ZBBX: variants seen among roughly 807,000 people sequenced by gnomAD.
ZBBX encodes zinc finger B-box domain containing, also known as zinc finger B-box domain-containing protein 1.
Under a neutral mutation model 108.5 loss-of-function variants are expected in ZBBX, and 101 were observed. The ratio of observed to expected loss-of-function variants is 0.93; its 90% confidence interval spans 0.79 to 1.10. The LOEUF is 1.10. Among genes scored for constraint, ZBBX ranks in the 50% least tolerant of loss-of-function variants. The pLI, the probability that ZBBX is intolerant of heterozygous loss-of-function variation, is 0.00. For synonymous variants in ZBBX, 356 were observed against 323.4 expected, an observed-to-expected ratio of 1.10 and a Z score of -1.08; for missense variants, 1,009 against 941.4, an observed-to-expected ratio of 1.07 and a Z score of -0.94.
At position 167,327,922 on chromosome 3, in the gene ZBBX, A is replaced by AAG; in HGVS notation, c.862+19_862+20insCT. On this transcript the variant is annotated intron_variant, in intron 11 of 21. Coordinates refer to ENST00000675490, the MANE Select transcript of ZBBX (RefSeq NM_001199201.2). The stretch of plus-strand genomic sequence containing the variant: ...AAGTGAGACTCTGTCTCAAAAAAAA[A>AAG]AAAAAAAAAAAAGCCATACCTTTTA... The AAG allele has an allele frequency of 6.5e-7, 1 of 1,533,496 alleles. No homozygotes were observed. Among genetic ancestry groups the AAG allele is most frequent in the South Asian group, 1.3e-5 (1 of 78,624 alleles). 95.0% of individuals were successfully genotyped at this position (1,533,496 alleles called of 1,614,324 possible).
At chr3:167,341,564 C>A (rs922116631) in intron 9 of ZBBX, among the ~76,000 whole-genome samples, 1 of 151,862 alleles carries the variant, frequency 6.6e-6, no homozygotes, top group South Asian at 2.1e-4. Flanking sequence ...CAAAATTCTA[C>A]TTAGAAAGCA....
chr3:167,359,150 T>C lies in ZBBX; in HGVS notation c.432+720A>G, dbSNP rs552911255. Reference sequence around the variant, plus strand: ...ATAATACAAATGAACACATTACCAATAAATTTAACATGGATGAATCATGTG... The same window carrying C: ...ATAATACAAATGAACACATTACCAACAAATTTAACATGGATGAATCATGTG... On this transcript the variant is annotated intron_variant, in intron 8 of 21. Transcript: ENST00000675490. Among the ~76,000 whole-genome samples, 208 of 152,134 alleles carry C rather than the reference T, an allele frequency of 1.4e-3. 2 individuals are homozygous for C. The highest frequency in any genetic ancestry group is 5.0e-3 in the African/African-American group (207 of 41,496).
chr3:167,222,035 C>T, the ZBBX span, among the ~76,000 whole-genome samples: 3 of 151,632 alleles, frequency 2.0e-5, no homozygotes, highest in Non-Finnish European at 4.4e-5. Flanking sequence ...AAATATGATC[C>T]AGCAATCCCA....
intron 11 of ZBBX, 25 bp downstream of exon 11, chr3:167,327,913 CAAAA>C (rs10645171): frequency 1.3e-3 from 1,456 of 1,157,210 alleles, no homozygotes; most frequent in East Asian, 2.0e-3. Flanking sequence ...GACTCTGTCT[CAAAA>C]AAAAAAAAAA....
chr3:167,346,558 T>A (rs1741487474), intron 9 of ZBBX, among the ~76,000 whole-genome samples: 1 of 151,868 alleles, frequency 6.6e-6, no homozygotes, highest in Admixed American at 6.6e-5. Flanking sequence ...TTAAAGAATA[T>A]AAAGTGTAAT....
chr3:167,330,186 T>A (rs1217034951), intron 10 of ZBBX, among the ~76,000 whole-genome samples: 1 of 152,100 alleles, frequency 6.6e-6, no homozygotes, highest in African/African-American at 2.4e-5. Flanking sequence ...TATGTGAATA[T>A]AAAAACTACA....
At chr3:167,264,211 T>G (rs1057366850) in intron 20 of ZBBX, among the ~76,000 whole-genome samples, 5 of 134,410 alleles carry the variant, frequency 3.7e-5, no homozygotes, top group African/African-American at 1.3e-4. Context: ...CATTCAATGT[T>G]GTTATTGATA....
chr3:167,325,356 G>A (rs1737176694), intron 11 of ZBBX, among the ~76,000 whole-genome samples: 2 of 152,074 alleles, frequency 1.3e-5, no homozygotes, highest in Admixed American at 1.3e-4. Context: ...ACATGGTGGT[G>A]GGCAAGAGAG....
intron 19 of ZBBX, among the ~76,000 whole-genome samples, chr3:167,283,714 C>T (rs1729213838): frequency 1.3e-5 from 2 of 152,066 alleles, no homozygotes; most frequent in South Asian, 4.1e-4. Flanking sequence ...GGCACGATCT[C>T]GGCTCACTGC....
intron 6 of ZBBX, 44 bp from the exon 7 acceptor site, chr3:167,360,767 T>C: frequency 4.8e-6 from 6 of 1,252,078 alleles, no homozygotes; most frequent in Non-Finnish European, 6.4e-6. Context: ...ATATATTATC[T>C]TATTCAACGA....
chr3:167,208,638 G>A, the ZBBX span, among the ~76,000 whole-genome samples: 1 of 152,152 alleles, frequency 6.6e-6, no homozygotes, highest in Non-Finnish European at 1.5e-5. Context: ...AGAGCCCTTG[G>A]GCTCTCAATG....
At chr3:167,376,379 C>T (rs1746957850) in intron 2 of ZBBX, among the ~76,000 whole-genome samples, 1 of 152,122 alleles carries the variant, frequency 6.6e-6, no homozygotes, top group African/African-American at 2.4e-5. Context: ...TTCAGGGAAT[C>T]CAAATACTGG....
At chr3:167,258,986 T>C (rs868820865) in intron 20 of ZBBX, among the ~76,000 whole-genome samples, 10 of 152,172 alleles carry the variant, frequency 6.6e-5, no homozygotes, top group South Asian at 2.1e-4. Context: ...GCTGGCTTCA[T>C]AGAATGAACT....
chr3:167,320,210 C>A (rs1576989699), intron 12 of ZBBX, among the ~76,000 whole-genome samples: 2 of 97,396 alleles, frequency 2.1e-5, no homozygotes, highest in African/African-American at 4.2e-5. Flanking sequence ...TCTTGAGTTC[C>A]AGAAAAAAAA....
chr3:167,360,603 CT>C, intron 7 of ZBBX, 71 bp downstream of exon 7: 1 of 924,316 alleles, frequency 1.1e-6, no homozygotes, highest in South Asian at 3.8e-5. Flanking sequence ...AAAACTTTAA[CT>C]TTATTTGTAA....
At chr3:167,350,620 T>C (rs1356366609) in intron 8 of ZBBX, 105 bp from the exon 9 acceptor site, 2 of 725,066 alleles carry the variant, frequency 2.8e-6, no homozygotes, top group Non-Finnish European at 4.2e-6. Flanking sequence ...ATTTCTCTAA[T>C]TAAATACCTA....
intron 16 of ZBBX, among the ~76,000 whole-genome samples, chr3:167,309,669 G>A (rs1451948597): frequency 6.6e-6 from 1 of 152,212 alleles, no homozygotes; most frequent in Non-Finnish European, 1.5e-5. Context: ...TCTTGAGGGT[G>A]AACAGAGCAG....
intron 19 of ZBBX, among the ~76,000 whole-genome samples, chr3:167,288,115 C>T (rs1301660861): frequency 1.3e-5 from 2 of 152,030 alleles, no homozygotes; most frequent in African/African-American, 4.8e-5. Flanking sequence ...GTGCTAATAT[C>T]CTCAAAATAT....
the ZBBX span, among the ~76,000 whole-genome samples, chr3:167,181,331 T>C: frequency 6.6e-6 from 1 of 152,138 alleles, no homozygotes; most frequent in Non-Finnish European, 1.5e-5. Flanking sequence ...CATAAATTTA[T>C]AGGTACAGAA....
Sources: gnomAD v4.1 joint callset for allele counts (sites outside exome capture counted in the v4.1 genomes callset) on GRCh38, gnomAD v4.1.1 for gene constraint, MANE v1.5 for transcripts, NCBI Gene and HGNC (gene_info 2026-07-23, HGNC 2026-07-21) for gene names.